Variants in DLG2 observed in about 807,000 individuals in gnomAD.
DLG2 encodes the protein disks large homolog 2.
DLG2 carries 45 observed loss-of-function variants against 132.5 expected under a neutral mutation model. The observed-to-expected ratio is 0.34, with a 90% CI of 0.27 to 0.44. The LOEUF (loss-of-function observed/expected upper bound fraction) is 0.44. Ranked by LOEUF, DLG2 falls within the 20% of genes least tolerant of loss-of-function variation. The pLI, the probability that DLG2 is intolerant of heterozygous loss-of-function variation, is 1.00. For missense variants in DLG2, 1,045 were observed against 1,196.9 expected (o/e 0.87, Z 1.87); for synonymous variants, 424 against 419.6 (o/e 1.01, Z -0.13).
At chr11:85,436,799 C>G (rs1448286904) in intron 3 of DLG2, among the ~76,000 whole-genome samples, 1 of 152,236 alleles carries the variant, frequency 6.6e-6, no homozygotes, top group African/African-American at 2.4e-5. Flanking sequence ...AATCCCATTA[C>G]TGGGTATATA....
intron 6 of DLG2, among the ~76,000 whole-genome samples, chr11:84,748,910 C>T (rs188562189): frequency 6.6e-6 from 1 of 152,236 alleles, no homozygotes; most frequent in African/African-American, 2.4e-5. Context: ...TGGCTCACGC[C>T]TATAATCGCA....
intron 6 of DLG2, among the ~76,000 whole-genome samples, chr11:85,103,492 A>G (rs148406495): frequency 2.0e-5 from 3 of 152,086 alleles, no homozygotes; most frequent in African/African-American, 7.2e-5. Context: ...GGAAGGGACA[A>G]CTCGATGGAG....
In DLG2 at chr11:85,352,839, T is replaced by C. The variant is rs529509124; in HGVS notation, c.41-67474A>G. Among the ~76,000 whole-genome samples the C allele has an allele frequency of 2.2e-3, 330 of 152,074 alleles. 1 individual carries two copies. Among genetic ancestry groups the C allele is most frequent in the African/African-American group, 7.7e-3 (320 of 41,504 alleles). On this transcript the variant is annotated intron_variant, in intron 3 of 27. Coordinates refer to ENST00000376104, the MANE Select transcript of DLG2 (RefSeq NM_001142699.3). ...TACACCTTGTACAAAAATTAATTTA[T>C]GATAGATTAAAGACTTAAATGTTAG...
chr11:84,268,316 G>A (rs2097671219), intron 7 of DLG2, among the ~76,000 whole-genome samples: 1 of 151,994 alleles, frequency 6.6e-6, no homozygotes, highest in Admixed American at 6.6e-5. Flanking sequence ...TAATCACACT[G>A]CAATATAGTT....
intron 19 of DLG2, among the ~76,000 whole-genome samples, chr11:83,553,926 C>T (rs1411234431): frequency 4.9e-5 from 7 of 142,226 alleles, no homozygotes; most frequent in Non-Finnish European, 7.5e-5. Flanking sequence ...GGGATAGTCT[C>T]GCTCAGTCAC....
At chr11:84,073,988 C>T (rs1438896508) in intron 10 of DLG2, among the ~76,000 whole-genome samples, 2 of 152,116 alleles carry the variant, frequency 1.3e-5, no homozygotes, top group Non-Finnish European at 2.9e-5. Context: ...TAAGAGAAAA[C>T]ATTTGGCATC....
intron 7 of DLG2, among the ~76,000 whole-genome samples, chr11:84,272,589 ACT>A (rs1298752571): frequency 6.6e-6 from 1 of 152,206 alleles, no homozygotes; most frequent in Non-Finnish European, 1.5e-5. Context: ...ACACAATGAC[ACT>A]GATTCACTAA....
intron 14 of DLG2, among the ~76,000 whole-genome samples, chr11:83,954,245 A>G (rs550763508): frequency 6.6e-6 from 1 of 152,306 alleles, no homozygotes; most frequent in East Asian, 1.9e-4. Context: ...CCTTGAATTA[A>G]GATTTGTTAG....
At position 83,456,731 on chromosome 11, in the gene DLG2, G is replaced by A. The variant is rs112165054; in HGVS notation, c.*3087C>T. 3.9e-5 allele frequency: 6 copies of A among 152,140 alleles called. No homozygotes were observed. The highest frequency in any genetic ancestry group is 7.3e-5 in the Non-Finnish European group (5 of 68,028). 9.4% of individuals were successfully genotyped at this position (152,140 alleles called of 1,614,324 possible). A position where few individuals can be genotyped will look rare whatever the true frequency, so the allele number is the denominator to read the frequency against. ...GGAAAAGAATGAGAAAAAAAGTAGA[G>A]TCTCGAGCCAGAGGTTGGAGAGTTC... On this transcript the variant is annotated 3_prime_UTR_variant, in exon 28 of 28. Transcript: ENST00000376104.
intron 6 of DLG2, among the ~76,000 whole-genome samples, chr11:84,795,861 TG>T (rs2074520960): frequency 6.6e-6 from 1 of 152,070 alleles, no homozygotes; most frequent in African/African-American, 2.4e-5. Flanking sequence ...GTGGTACACC[TG>T]GTTCAACCAC....
intron 15 of DLG2, among the ~76,000 whole-genome samples, chr11:83,906,226 G>T (rs12273731): frequency 0.1 from 13,876 of 133,908 alleles, 887 homozygotes; most frequent in Middle Eastern, 0.22. Flanking sequence ...GATTGCTATA[G>T]TAGATGTCTC....
intron 17 of DLG2, among the ~76,000 whole-genome samples, chr11:83,822,508 G>A (rs577475717): frequency 6.6e-6 from 1 of 152,262 alleles, no homozygotes; most frequent in Non-Finnish European, 1.5e-5. Context: ...AAGCTGGAGG[G>A]GGCAGCTATT....
At chr11:84,986,048 A>G (rs1455369517) in intron 6 of DLG2, among the ~76,000 whole-genome samples, 1 of 149,176 alleles carries the variant, frequency 6.7e-6, no homozygotes, top group Non-Finnish European at 1.5e-5. Flanking sequence ...AAATTGATAG[A>G]CCATTAGCAA....
intron 3 of DLG2, among the ~76,000 whole-genome samples, chr11:85,299,312 C>T (rs1043152753): frequency 2.0e-5 from 3 of 152,176 alleles, no homozygotes; most frequent in African/African-American, 7.2e-5. Flanking sequence ...AGCCTGTGGC[C>T]TTAACTATTA....
At chr11:85,566,906 G>C (rs1331718559) in intron 3 of DLG2, among the ~76,000 whole-genome samples, 1 of 152,054 alleles carries the variant, frequency 6.6e-6, no homozygotes, top group Non-Finnish European at 1.5e-5. Flanking sequence ...TATATGTCCT[G>C]GTAGCATTTG....
At chr11:85,325,489 G>C (rs2081399545) in intron 3 of DLG2, among the ~76,000 whole-genome samples, 2 of 136,078 alleles carry the variant, frequency 1.5e-5, no homozygotes, top group South Asian at 5.4e-4. Flanking sequence ...GCCTAACTGG[G>C]AGGCACCCCC....
chr11:84,396,395 A>AT (rs1396119275), intron 7 of DLG2, among the ~76,000 whole-genome samples: 5 of 152,224 alleles, frequency 3.3e-5, no homozygotes, highest in Non-Finnish European at 5.9e-5. Flanking sequence ...TTTAAAAAAA[A>AT]ATATATGGTG....
chr11:84,083,653 T>C (rs2096934279), intron 10 of DLG2, among the ~76,000 whole-genome samples: 1 of 152,186 alleles, frequency 6.6e-6, no homozygotes, highest in Non-Finnish European at 1.5e-5. Context: ...CTCTGTATTG[T>C]GTACTTGATC....
At chr11:85,131,996 C>A (rs958376117) in intron 5 of DLG2, among the ~76,000 whole-genome samples, 2 of 151,848 alleles carry the variant, frequency 1.3e-5, no homozygotes, top group Non-Finnish European at 2.9e-5. Context: ...TAGTTTTTCC[C>A]AAAAATATTA....
Sources: allele counts gnomAD v4.1 joint callset (sites outside exome capture counted in the v4.1 genomes callset), GRCh38; gene constraint gnomAD v4.1.1; transcripts MANE v1.5; gene names NCBI Gene and HGNC (gene_info 2026-07-23, HGNC 2026-07-21).